PDE3B: variants seen among roughly 807,000 people sequenced by gnomAD.
The protein encoded by PDE3B is phosphodiesterase 3B.
PDE3B carries 66 observed loss-of-function variants against 116.8 expected under a neutral mutation model. The observed-to-expected ratio is 0.56, with a 90% CI of 0.46 to 0.69. The LOEUF (loss-of-function observed/expected upper bound fraction) is 0.69, where lower values mean the gene tolerates loss of function less well. Ranked by LOEUF, PDE3B falls within the 30% of genes least tolerant of loss-of-function variation. The probability of loss-of-function intolerance (pLI) is 0.00; values close to 1 mark genes in which losing one functional copy is unlikely to be tolerated. For synonymous variants in PDE3B, 595 were observed against 533.6 expected (o/e 1.12, Z -1.59); for missense variants, 1,384 against 1,368.1 (o/e 1.01, Z -0.18).
chr11:14,792,691 A>C (rs1858425939), intron 4 of PDE3B, among the ~76,000 whole-genome samples: 1 of 152,114 alleles, frequency 6.6e-6, no homozygotes, highest in Non-Finnish European at 1.5e-5. Flanking sequence ...TTCCAACATC[A>C]CCTTCCTCTA....
intron 5 of PDE3B, among the ~76,000 whole-genome samples, chr11:14,817,114 A>G (rs1054311932): frequency 6.6e-6 from 1 of 152,232 alleles, no homozygotes; most frequent in African/African-American, 2.4e-5. Flanking sequence ...GCCATAAAAA[A>G]GGATGAGTTC....
chr11:14,782,288 G>A (rs942147133), intron 2 of PDE3B, among the ~76,000 whole-genome samples: 1 of 152,190 alleles, frequency 6.6e-6, no homozygotes, highest in African/African-American at 2.4e-5. Context: ...CCAAAAAAGA[G>A]CCCACATTGC....
Position 14,831,794 on chromosome 11 carries a change from C to G in PDE3B, c.2094+17C>G, listed in dbSNP as rs377579875. ...CTCAGTCAGGTTTGCTTTCAAATAT[C>G]TACTTTTTAACTGTAAATTAATTTT... On this transcript the variant is annotated intron_variant, in intron 9 of 15. Coordinates refer to ENST00000282096, the MANE Select transcript of PDE3B (RefSeq NM_000922.4). 23 of 1,572,794 alleles carry G rather than the reference C, an allele frequency of 1.5e-5. No individual in the cohort carries two copies. Among genetic ancestry groups the G allele is most frequent in the Non-Finnish European group, 1.8e-5 (21 of 1,153,402 alleles).
intron 7 of PDE3B, among the ~76,000 whole-genome samples, chr11:14,823,959 T>TTTCTCACAGCC (rs1202050862): frequency 6.6e-6 from 1 of 152,200 alleles, no homozygotes; most frequent in Non-Finnish European, 1.5e-5. Flanking sequence ...CTATCTTTGC[T>TTTCTCACAGCC]TTCTCACAGC....
chr11:14,890,748 C>A, the PDE3B span, among the ~76,000 whole-genome samples: 2 of 151,988 alleles, frequency 1.3e-5, no homozygotes, highest in African/African-American at 4.8e-5. Context: ...TGGGGTTTCA[C>A]CGTGTTAGCC....
At chr11:14,882,628 G>C in the PDE3B span, among the ~76,000 whole-genome samples, 1 of 152,142 alleles carries the variant, frequency 6.6e-6, no homozygotes, top group African/African-American at 2.4e-5. Flanking sequence ...TCCAAGGTCA[G>C]TACATAGTAC....
At chr11:14,688,372 G>A (rs1407763535) in intron 1 of PDE3B, among the ~76,000 whole-genome samples, 2 of 152,134 alleles carry the variant, frequency 1.3e-5, no homozygotes, top group Non-Finnish European at 2.9e-5. Flanking sequence ...GCAACTGAAA[G>A]CAAATAGACA....
At chr11:14,666,033 T>C (rs1412998230) in intron 1 of PDE3B, among the ~76,000 whole-genome samples, 3 of 151,954 alleles carry the variant, frequency 2.0e-5, no homozygotes. Flanking sequence ...CTTCAAACTA[T>C]ACTACAAGGC....
chr11:14,649,279 A>G lies in PDE3B; in HGVS notation c.978+4226A>G, dbSNP rs574572367. Among the ~76,000 whole-genome samples the G allele has an allele frequency of 2.0e-5, 3 of 152,298 alleles. No individual in the cohort carries two copies. The East Asian group carries it at 5.8e-4, about 29-fold the overall frequency. On this transcript the variant is annotated intron_variant, in intron 1 of 15. Transcript: ENST00000282096. ...TGTACCCCATTCAAAGCAAAAATTTATTCTTGCCGAAAAAGCCTATTTCAG... is the reference window on the plus strand; with the variant it reads ...TGTACCCCATTCAAAGCAAAAATTTGTTCTTGCCGAAAAAGCCTATTTCAG...
At chr11:14,656,863 T>C (rs766832198) in intron 1 of PDE3B, among the ~76,000 whole-genome samples, 93 of 152,320 alleles carry the variant, frequency 6.1e-4, no homozygotes, top group Admixed American at 3.6e-3. Flanking sequence ...AATTTAGATC[T>C]ATGAGACAAT....
chr11:14,801,375 C>T (rs1323543187), intron 4 of PDE3B, among the ~76,000 whole-genome samples: 1 of 152,222 alleles, frequency 6.6e-6, no homozygotes, highest in Non-Finnish European at 1.5e-5. Context: ...AGTTTTCCTT[C>T]TAACAGTCAG....
intron 1 of PDE3B, among the ~76,000 whole-genome samples, chr11:14,753,092 TC>T (rs1857097629): frequency 6.6e-6 from 1 of 152,106 alleles, no homozygotes; most frequent in Non-Finnish European, 1.5e-5. Flanking sequence ...CCCCTTTGTT[TC>T]CCTATTCACC....
intron 1 of PDE3B, among the ~76,000 whole-genome samples, chr11:14,733,697 G>T (rs1856522098): frequency 6.6e-6 from 1 of 152,148 alleles, no homozygotes; most frequent in African/African-American, 2.4e-5. Flanking sequence ...GGTCTGAAAA[G>T]TAAGCCATTG....
chr11:14,826,972 T>C (rs1859712550), intron 7 of PDE3B, among the ~76,000 whole-genome samples: 1 of 152,198 alleles, frequency 6.6e-6, no homozygotes, highest in African/African-American at 2.4e-5. Flanking sequence ...CAATCCACCA[T>C]GATCAAATAG....
At chr11:14,650,685 G>A (rs1202027113) in intron 1 of PDE3B, among the ~76,000 whole-genome samples, 1 of 152,058 alleles carries the variant, frequency 6.6e-6, no homozygotes, top group African/African-American at 2.4e-5. Context: ...ATCCACCCTT[G>A]GGAGGCTGAG....
intron 8 of PDE3B, 41 bp from the exon 9 acceptor site, chr11:14,831,599 A>T (rs1009762609): frequency 7.5e-7 from 1 of 1,326,174 alleles, no homozygotes; most frequent in Non-Finnish European, 1.0e-6. Flanking sequence ...TACAGTATTT[A>T]TAAAAGATAA....
At chr11:14,765,811 A>T in intron 1 of PDE3B, among the ~76,000 whole-genome samples, 1 of 149,792 alleles carries the variant, frequency 6.7e-6, no homozygotes, top group African/African-American at 2.4e-5. Context: ...TTAAAAATTT[A>T]ATTTTATTTA....
intron 1 of PDE3B, among the ~76,000 whole-genome samples, chr11:14,716,642 A>AC (rs1383752072): frequency 1.1e-5 from 1 of 89,406 alleles, no homozygotes; most frequent in Non-Finnish European, 2.3e-5. Context: ...ACTGGGAGGC[A>AC]CCCCCCAGCA....
rs1332080272 is a variant in PDE3B, at chr11:14,845,229, G to C, written c.2520+1203G>C. ...CCGCTGCTGGTACCCAGGCAAACAG[G>C]GTCTGGAGTGCACCTCTAGCAAACT... On this transcript the variant is annotated intron_variant, in intron 12 of 15. Coordinates refer to ENST00000282096, the MANE Select transcript of PDE3B (RefSeq NM_000922.4). Among the ~76,000 whole-genome samples the C allele has an allele frequency of 3.3e-5, 5 of 151,964 alleles. No individual in the cohort carries two copies. In the South Asian group the frequency reaches 6.2e-4, roughly 19 times the overall value.
Sources: allele counts gnomAD v4.1 joint callset (sites outside exome capture counted in the v4.1 genomes callset), GRCh38; gene constraint gnomAD v4.1.1; transcripts MANE v1.5; gene names NCBI Gene and HGNC (gene_info 2026-07-23, HGNC 2026-07-21).